The following CALN1 variants were observed in gnomAD, a reference collection of about 807,000 sequenced individuals.
CALN1 encodes the protein calcium-binding protein 8.
A neutral mutation model predicts 30.6 loss-of-function variants in CALN1; 17 were observed. The observed-to-expected ratio is 0.56, with a 90% CI of 0.38 to 0.83. The LOEUF is 0.83. CALN1 is among the 40% of genes least tolerant of loss of function. The pLI, the probability that CALN1 is intolerant of heterozygous loss-of-function variation, is 0.00. For synonymous variants in CALN1, 156 were observed against 131.4 expected, an observed-to-expected ratio of 1.19 and a Z score of -1.28; for missense variants, 291 against 354.9, an observed-to-expected ratio of 0.82 and a Z score of 1.45.
intron 2 of CALN1, among the ~76,000 whole-genome samples, chr7:72,307,015 C>T (rs927840395): frequency 2.0e-5 from 3 of 152,318 alleles, no homozygotes; most frequent in Admixed American, 6.5e-5. Flanking sequence ...ACAGTTCAGT[C>T]CACAGCACTA....
At chr7:72,375,055 AG>A (rs1804475609) in intron 2 of CALN1, among the ~76,000 whole-genome samples, 1 of 152,212 alleles carries the variant, frequency 6.6e-6, no homozygotes, top group African/African-American at 2.4e-5. Context: ...TTGGAAAAAA[AG>A]ATTGTCTTTA....
intron 5 of CALN1, among the ~76,000 whole-genome samples, chr7:72,017,449 G>A (rs956826337): frequency 3.3e-5 from 5 of 152,138 alleles, no homozygotes; most frequent in East Asian, 1.9e-4. Context: ...ATTGGGGAAC[G>A]AGTACCCTAT....
chr7:72,438,989 T>G (rs1808261480), intron 1 of CALN1, among the ~76,000 whole-genome samples: 2 of 152,082 alleles, frequency 1.3e-5, no homozygotes, highest in Non-Finnish European at 2.9e-5. Flanking sequence ...CCTGTGGGGG[T>G]TAGGGGTGCT....
intron 1 of CALN1, among the ~76,000 whole-genome samples, chr7:72,410,295 G>C (rs1807033465): frequency 1.3e-5 from 2 of 152,166 alleles, no homozygotes; most frequent in African/African-American, 4.8e-5. Context: ...ACTCTGCAAA[G>C]GTGATTGTTG....
intron 4 of CALN1, among the ~76,000 whole-genome samples, chr7:72,067,727 C>T (rs1212109170): frequency 6.6e-6 from 1 of 152,176 alleles, no homozygotes; most frequent in Non-Finnish European, 1.5e-5. Flanking sequence ...ACTGCTGATC[C>T]ACCGAATGGC....
intron 3 of CALN1, among the ~76,000 whole-genome samples, chr7:72,194,071 C>A (rs1319159289): frequency 6.6e-6 from 1 of 152,156 alleles, no homozygotes; most frequent in Non-Finnish European, 1.5e-5. Flanking sequence ...AGTCATCTAA[C>A]CAAAACCCAC....
intron 5 of CALN1, among the ~76,000 whole-genome samples, chr7:72,009,300 T>C (rs538374225): frequency 7.9e-5 from 12 of 152,170 alleles, no homozygotes; most frequent in Non-Finnish European, 1.8e-4. Flanking sequence ...AAACTATAGG[T>C]CACTTTTATT....
intron 5 of CALN1, among the ~76,000 whole-genome samples, chr7:71,820,927 G>A (rs1262298363): frequency 6.6e-6 from 1 of 152,178 alleles, no homozygotes; most frequent in Non-Finnish European, 1.5e-5. Flanking sequence ...GATAAGACTT[G>A]ATGGATCACT....
At chr7:72,049,145 G>T (rs1802674797) in intron 4 of CALN1, among the ~76,000 whole-genome samples, 1 of 152,078 alleles carries the variant, frequency 6.6e-6, no homozygotes, top group South Asian at 2.1e-4. Context: ...TGGGTGGGGG[G>T]AGAACAATTC....
chr7:71,957,398 AT>A (rs1185604906), intron 5 of CALN1, among the ~76,000 whole-genome samples: 2 of 152,206 alleles, frequency 1.3e-5, no homozygotes, highest in Non-Finnish European at 2.9e-5. Flanking sequence ...GTTTAAAAAA[AT>A]AAAACAAAGA....
chr7:72,311,195 T>G (rs971523724), intron 2 of CALN1, among the ~76,000 whole-genome samples: 3 of 152,262 alleles, frequency 2.0e-5, no homozygotes, highest in Admixed American at 2.0e-4. Flanking sequence ...ATTTAACGAA[T>G]AGTAATAAAT....
At chr7:71,934,080 T>C (rs1795701124) in intron 5 of CALN1, among the ~76,000 whole-genome samples, 1 of 152,208 alleles carries the variant, frequency 6.6e-6, no homozygotes, top group African/African-American at 2.4e-5. Context: ...TTGAAAATGC[T>C]GATATCAAAT....
chr7:72,241,953 C>T (rs140323739), intron 3 of CALN1, among the ~76,000 whole-genome samples: 3 of 152,116 alleles, frequency 2.0e-5, no homozygotes, highest in Non-Finnish European at 4.4e-5. Flanking sequence ...ATTGGGCAAC[C>T]ACCACCATCC....
At chr7:72,328,109 CTTT>C (rs775830416) in intron 2 of CALN1, among the ~76,000 whole-genome samples, 2 of 140,782 alleles carry the variant, frequency 1.4e-5, no homozygotes, top group Non-Finnish European at 3.0e-5. Context: ...CTTTTAATTT[CTTT>C]TTTTAAAAAA....
rs1792802905 is a variant in CALN1, at chr7:71,783,090, T to C, written c.*4685A>G. On this transcript the variant is annotated 3_prime_UTR_variant, in exon 7 of 7. Transcript: ENST00000395275. ...CTATTTCAGATAGATTCTCCCCTTCTGGGGCAGTTGAGCAATCAGGTGTGG... is the reference window on the plus strand; with the variant it reads ...CTATTTCAGATAGATTCTCCCCTTCCGGGGCAGTTGAGCAATCAGGTGTGG... The C allele has an allele frequency of 6.6e-6, 1 of 152,222 alleles. No homozygotes were observed. The highest frequency in any genetic ancestry group is 2.4e-5 in the African/African-American group (1 of 41,432). 9.4% of individuals were successfully genotyped at this position (152,222 alleles called of 1,614,324 possible).
chr7:72,344,680 T>G (rs986413604), intron 2 of CALN1, among the ~76,000 whole-genome samples: 1 of 147,144 alleles, frequency 6.8e-6, no homozygotes, highest in East Asian at 1.9e-4. Flanking sequence ...TTTATTTATG[T>G]ATATAATTAT....
intron 5 of CALN1, among the ~76,000 whole-genome samples, chr7:71,951,721 A>G (rs1460636224): frequency 2.0e-5 from 3 of 152,186 alleles, no homozygotes; most frequent in Non-Finnish European, 2.9e-5. Flanking sequence ...TACTTTTTGG[A>G]TTGGCAGATG....
At chr7:71,920,016 CT>C (rs997542226) in intron 5 of CALN1, among the ~76,000 whole-genome samples, 4 of 152,184 alleles carry the variant, frequency 2.6e-5, no homozygotes, top group African/African-American at 9.7e-5. Flanking sequence ...TAAACACATG[CT>C]TTTCTCCTTC....
chr7:71,840,883 C>T (rs935453565), intron 5 of CALN1, among the ~76,000 whole-genome samples: 3 of 151,874 alleles, frequency 2.0e-5, no homozygotes, highest in Admixed American at 6.6e-5. Flanking sequence ...TTGGATACAT[C>T]CTTTCTATAT....
Sources: allele counts gnomAD v4.1 joint callset (sites outside exome capture counted in the v4.1 genomes callset), GRCh38; gene constraint gnomAD v4.1.1; transcripts MANE v1.5; gene names NCBI Gene and HGNC (gene_info 2026-07-23, HGNC 2026-07-21).